TM4SF19: variants seen among roughly 807,000 people sequenced by gnomAD.
The protein encoded by TM4SF19 is transmembrane 4 L6 family member 19.
In TM4SF19, 17 loss-of-function variants were observed where a neutral mutation model predicts 21.8. That is an observed-to-expected ratio of 0.78 (90% confidence interval 0.53 to 1.17). The LOEUF (loss-of-function observed/expected upper bound fraction) is 1.17, where lower values mean the gene tolerates loss of function less well. Among genes scored for constraint, TM4SF19 ranks in the 50% most tolerant of loss-of-function variants. The pLI, the probability that TM4SF19 is intolerant of heterozygous loss-of-function variation, is 0.00. For missense variants in TM4SF19, 216 were observed against 252.1 expected (o/e 0.86, Z 0.97); for synonymous variants, 107 against 106.7 (o/e 1.00, Z -0.02).
intron 1 of TM4SF19, among the ~76,000 whole-genome samples, chr3:196,332,879 GTCTTGCTCTGTCACCCAGGC>G (rs1350737285): frequency 7.0e-6 from 1 of 142,066 alleles, no homozygotes; most frequent in East Asian, 2.0e-4. Context: ...TTGAGACAGG[GTCTTGCTCTGTCACCCAGGC>G]TGGAGTGCAG....
chr3:196,330,227 C>T (rs1229373382), intron 1 of TM4SF19, among the ~76,000 whole-genome samples: 3 of 152,082 alleles, frequency 2.0e-5, no homozygotes, highest in Non-Finnish European at 4.4e-5. Context: ...ATCCTCCAGC[C>T]CGTGCCTCCA....
chr3:196,327,216 G>A (rs1577406180), intron 2 of TM4SF19, among the ~76,000 whole-genome samples, 174 bp downstream of exon 2: 2 of 152,118 alleles, frequency 1.3e-5, no homozygotes, highest in Admixed American at 1.3e-4. Context: ...TTTCACACCC[G>A]ACCTGCCTGG....
chr3:196,323,557 G>A lies in TM4SF19; in HGVS notation c.*260C>T, dbSNP rs1727151531. The A allele has an allele frequency of 1.4e-6, 1 of 716,780 alleles. No individual in the cohort carries two copies. The highest frequency in any genetic ancestry group is 2.2e-6 in the Non-Finnish European group (1 of 447,918). 44.4% of individuals were successfully genotyped at this position (716,780 alleles called of 1,614,324 possible). A position where few individuals can be genotyped will look rare whatever the true frequency, so the allele number is the denominator to read the frequency against. Reference sequence around the variant, plus strand: ...AAGCTGAAATGAGACCCTGGCTGGAGGATATTTTATGGACTATAAATTCCT... The same window carrying A: ...AAGCTGAAATGAGACCCTGGCTGGAAGATATTTTATGGACTATAAATTCCT... On this transcript the variant is annotated 3_prime_UTR_variant, in exon 5 of 5. Coordinates refer to ENST00000273695, the MANE Select transcript of TM4SF19 (RefSeq NM_138461.4).
intron 1 of TM4SF19, among the ~76,000 whole-genome samples, chr3:196,331,612 AC>A (rs1281977554): frequency 1.3e-5 from 2 of 151,558 alleles, no homozygotes; most frequent in Non-Finnish European, 2.9e-5. Context: ...TCATGACGAA[AC>A]CCCATCTCTA....
intron 1 of TM4SF19, among the ~76,000 whole-genome samples, chr3:196,334,495 T>C (rs1727642297): frequency 2.0e-5 from 3 of 151,554 alleles, no homozygotes; most frequent in African/African-American, 7.3e-5. Context: ...ACTCTGTCGC[T>C]CAGGCTGGAG....
At chr3:196,334,776 A>G (rs373676721) in intron 1 of TM4SF19, among the ~76,000 whole-genome samples, 5 of 150,926 alleles carry the variant, frequency 3.3e-5, no homozygotes, top group African/African-American at 9.8e-5. Context: ...ATGGTAAAGA[A>G]GACAAGGGGA....
intron 2 of TM4SF19, 121 bp from the exon 3 acceptor site, chr3:196,327,153 T>C (rs1727324192): frequency 1.2e-6 from 1 of 846,164 alleles, no homozygotes; most frequent in African/African-American, 1.7e-5. Context: ...TGACTCTGAC[T>C]CTGGGGACCC....
At chr3:196,327,647 G>C (rs1390647345) in intron 1 of TM4SF19, 56 bp from the exon 2 acceptor site, 2 of 1,456,724 alleles carry the variant, frequency 1.4e-6, no homozygotes, top group Non-Finnish European at 1.9e-6. Context: ...ATGGGGAAGG[G>C]AACTCCAGCA....
intron 3 of TM4SF19, among the ~76,000 whole-genome samples, chr3:196,326,173 C>T (rs1241665617): frequency 6.6e-6 from 1 of 152,114 alleles, no homozygotes; most frequent in African/African-American, 2.4e-5. Context: ...CGGGGTTTCA[C>T]CATGTTGGCC....
intron 4 of TM4SF19, 108 bp from the exon 5 acceptor site, chr3:196,324,105 GCT>G: frequency 6.9e-7 from 1 of 1,446,668 alleles, no homozygotes; most frequent in Non-Finnish European, 9.6e-7. Flanking sequence ...ATGGGACTGG[GCT>G]CATGAGGGTG....
chr3:196,335,725 A>G (rs1727730866), intron 1 of TM4SF19, among the ~76,000 whole-genome samples: 1 of 151,942 alleles, frequency 6.6e-6, no homozygotes, highest in Admixed American at 6.6e-5. Context: ...GCGCCTGTGG[A>G]GAACGGCCCC....
chr3:196,337,141 A>G (rs1195863361), intron 1 of TM4SF19, among the ~76,000 whole-genome samples: 1 of 142,830 alleles, frequency 7.0e-6, no homozygotes, highest in Non-Finnish European at 1.5e-5. Context: ...GGCTCACTGC[A>G]ACCTCCGCCT....
intron 1 of TM4SF19, among the ~76,000 whole-genome samples, chr3:196,337,693 G>C (rs1178292640): frequency 1.3e-5 from 2 of 152,232 alleles, no homozygotes; most frequent in Non-Finnish European, 2.9e-5. Context: ...CAGGCGCCAA[G>C]TCAAGGGTCT....
rs1727164784 is a variant in TM4SF19 at position 196,323,850 on chromosome 3, G to A, written c.597C>T (p.Leu199=). The A allele has an allele frequency of 6.2e-6, 10 of 1,614,186 alleles. No homozygotes were observed. Among genetic ancestry groups the A allele is most frequent in the South Asian group, 3.3e-5 (3 of 91,086 alleles). ...CGCAGAGGCTGCAGAAAAGGCCCAG[G>A]AGGCTGTTGATGACATGAACGACCA... The part of the protein sequence containing the change: ...LLVVVHVINS[L]LGLFCSLCEK The change falls in exon 5 of 5, where the codon CTC becomes CTT. Residue 199 remains leucine, a synonymous_variant. Transcript: ENST00000273695.
In TM4SF19 at chr3:196,327,003, C is replaced by T; in HGVS notation, c.231G>A (p.Leu77=). ...MVLTAAILIS[L]MGWRYGCFSK... is the part of the protein sequence containing the mutation. The stretch of plus-strand genomic sequence containing the variant: ...TGAAGCAGCCGTATCTCCAGCCCAT[C>T]AAGGAGATGAGGATAGCTGCAGTGA... The change falls in exon 3 of 5, where the codon TTG becomes TTA. Residue 77 remains leucine (L), a synonymous_variant. Coordinates refer to ENST00000273695, the MANE Select transcript of TM4SF19 (RefSeq NM_138461.4). 6.2e-7 allele frequency: 1 copy of T among 1,611,614 alleles called. No individual in the cohort carries two copies. The highest frequency in any genetic ancestry group is 8.5e-7 in the Non-Finnish European group (1 of 1,177,900).
intron 2 of TM4SF19, 105 bp from the exon 3 acceptor site, chr3:196,327,137 T>G: frequency 1.1e-6 from 1 of 927,438 alleles, no homozygotes; most frequent in Non-Finnish European, 1.7e-6. Context: ...ATGAACGCAG[T>G]CCTGTTGACT....
chr3:196,323,725 G>A lies in TM4SF19; in HGVS notation c.*92C>T, dbSNP rs1379346561. 2 of 1,602,282 alleles carry A rather than the reference G, an allele frequency of 1.2e-6. No homozygotes were observed. The highest frequency in any genetic ancestry group is 1.7e-6 in the Non-Finnish European group (2 of 1,173,256). On this transcript the variant is annotated 3_prime_UTR_variant, in exon 5 of 5. Coordinates refer to ENST00000273695, the MANE Select transcript of TM4SF19 (RefSeq NM_138461.4). ...TACTCCAGGGATACCTAAAGGGGAA[G>A]TTTGTTTATAATTCGTACCCACTCC...
At chr3:196,328,028 A>G (rs1160272683) in intron 1 of TM4SF19, among the ~76,000 whole-genome samples, 1 of 152,222 alleles carries the variant, frequency 6.6e-6, no homozygotes, top group Non-Finnish European at 1.5e-5. Context: ...TCGGCCAGGC[A>G]TGGTGGCTCA....
rs778555488 is a variant in TM4SF19, at chr3:196,327,365, C to T, written c.201+25G>A. ...CCGCCGGGGTCTCTTTGAGAGTTCA[C>T]GTTCAGGGAACCCCGGACACTTACC... On this transcript the variant is annotated intron_variant, in intron 2 of 4. Coordinates refer to ENST00000273695, the MANE Select transcript of TM4SF19 (RefSeq NM_138461.4). 8.1e-5 allele frequency: 130 copies of T among 1,608,312 alleles called. No individual in the cohort carries two copies. In the Middle Eastern group the frequency reaches 8.3e-4, roughly 10 times the overall value.
Sources: allele counts gnomAD v4.1 joint callset (sites outside exome capture counted in the v4.1 genomes callset), GRCh38; gene constraint gnomAD v4.1.1; transcripts MANE v1.5; gene names NCBI Gene and HGNC (gene_info 2026-07-23, HGNC 2026-07-21).